LMO7: variants seen among roughly 807,000 people sequenced by gnomAD.
LMO7 encodes LIM domain only protein 7.
LMO7 carries 120 observed loss-of-function variants against 206.5 expected under a neutral mutation model. The observed-to-expected ratio is 0.58, with a 90% CI of 0.50 to 0.68. The LOEUF (loss-of-function observed/expected upper bound fraction) is 0.68. Ranked by LOEUF, LMO7 falls within the 30% of genes least tolerant of loss-of-function variation. The probability of loss-of-function intolerance (pLI) is 0.00; values close to 1 mark genes in which losing one functional copy is unlikely to be tolerated. For synonymous variants in LMO7, 706 were observed against 681.5 expected (o/e 1.04, Z -0.56); for missense variants, 1,959 against 1,957.9 (o/e 1.00, Z -0.01).
intron 4 of LMO7, among the ~76,000 whole-genome samples, chr13:75,788,348 G>A (rs1184182222): frequency 6.6e-6 from 1 of 151,660 alleles, no homozygotes; most frequent in Non-Finnish European, 1.5e-5. Context: ...CAGCTACTTG[G>A]GAGGCTGAGG....
intron 3 of LMO7, among the ~76,000 whole-genome samples, chr13:75,749,152 A>T (rs946266146): frequency 2.6e-5 from 4 of 151,988 alleles, no homozygotes; most frequent in African/African-American, 4.8e-5. Flanking sequence ...GATGATCCAG[A>T]CTCATTATCT....
intron 4 of LMO7, among the ~76,000 whole-genome samples, chr13:75,792,710 G>T (rs1207076004): frequency 1.3e-5 from 2 of 152,216 alleles, no homozygotes; most frequent in Non-Finnish European, 2.9e-5. Context: ...GCATTTGTAT[G>T]TGAGAGAGTG....
At position 75,802,901 on chromosome 13, in the gene LMO7, C is replaced by T. The variant is rs1376890867; in HGVS notation, c.662-1388C>T. On this transcript the variant is annotated intron_variant, in intron 7 of 30. Transcript: ENST00000377534. ...TGCAATGTCACATTCTCTAGTTTTA[C>T]GTGAAAACTCATATCAAGAATGATA... is the stretch of plus-strand genomic sequence containing the variant. 3.9e-5 allele frequency among the ~76,000 whole-genome samples: 6 copies of T among 152,074 alleles called. No individual in the cohort carries two copies. In the East Asian group the frequency reaches 5.8e-4, roughly 15 times the overall value.
At chr13:75,630,853 G>A (rs905495562) in intron 2 of LMO7, among the ~76,000 whole-genome samples, 4 of 151,518 alleles carry the variant, frequency 2.6e-5, no homozygotes, top group East Asian at 1.9e-4. Flanking sequence ...ATGGAGTTTC[G>A]CCATGTTGGC....
intron 14 of LMO7, 42 bp from the exon 15 acceptor site, chr13:75,823,523 G>A (rs776791638): frequency 7.0e-7 from 1 of 1,419,732 alleles, no homozygotes; most frequent in Admixed American, 2.0e-5. Flanking sequence ...CAGAAATAAA[G>A]GTAACAGAAT....
intron 1 of LMO7, among the ~76,000 whole-genome samples, chr13:75,676,708 A>G: frequency 6.6e-6 from 1 of 152,234 alleles, no homozygotes; most frequent in East Asian, 1.9e-4. Context: ...AAGGCATTGC[A>G]TTATTAACAA....
chr13:75,721,801 T>G (rs994384861), intron 2 of LMO7, among the ~76,000 whole-genome samples: 1 of 152,272 alleles, frequency 6.6e-6, no homozygotes, highest in Non-Finnish European at 1.5e-5. Context: ...ATCTTTTTCA[T>G]ATAATGACTT....
At chr13:75,829,993 A>C (rs1218775565) in intron 15 of LMO7, among the ~76,000 whole-genome samples, 1 of 152,122 alleles carries the variant, frequency 6.6e-6, no homozygotes, top group African/African-American at 2.4e-5. Flanking sequence ...CCACTTGGAT[A>C]GTTCATTATC....
chr13:75,855,731 A>G (rs2060879169), intron 29 of LMO7, among the ~76,000 whole-genome samples: 1 of 152,216 alleles, frequency 6.6e-6, no homozygotes, highest in Non-Finnish European at 1.5e-5. Context: ...CAGTGTCTGA[A>G]AGCCTAGCTT....
Position 75,807,902 on chromosome 13 carries a change from C to T in LMO7, c.1619C>T (p.Pro540Leu), listed in dbSNP as rs781273729. Residue 540 changes from proline (P) to leucine (L), a missense_variant, in exon 10 of 31, where the codon CCA (proline) becomes CTA (leucine). Pro to Leu is a moderately conservative substitution (Grantham distance 98). Transcript: ENST00000377534. ...PLSGAPDRYH[P>L]VPFPEPWTLP... ...TCTGGGGCCCCAGATAGATACCACC[C>T]AGTCCCTTTTCCCGAACCCTGGACT... is the stretch of plus-strand genomic sequence containing the variant. The T allele has an allele frequency of 2.5e-6, 4 of 1,613,850 alleles. No individual in the cohort carries two copies. The highest frequency in any genetic ancestry group is 3.4e-6 in the Non-Finnish European group (4 of 1,179,880).
intron 1 of LMO7, among the ~76,000 whole-genome samples, chr13:75,672,249 T>C (rs1299068532): frequency 2.0e-5 from 3 of 151,512 alleles, no homozygotes; most frequent in Non-Finnish European, 4.4e-5. Context: ...GATTTTTTTT[T>C]TTTTTTTTTG....
intron 29 of LMO7, among the ~76,000 whole-genome samples, chr13:75,855,733 G>T (rs972133783): frequency 6.6e-6 from 1 of 152,208 alleles, no homozygotes; most frequent in Admixed American, 6.5e-5. Flanking sequence ...GTGTCTGAAA[G>T]CCTAGCTTTG....
At chr13:75,743,933 T>C (rs2139247246) in intron 3 of LMO7, among the ~76,000 whole-genome samples, 1 of 152,322 alleles carries the variant, frequency 6.6e-6, no homozygotes, top group South Asian at 2.1e-4. Context: ...GTAATGTCTA[T>C]TTTACTGGAA....
chr13:75,775,337 G>T (rs1319913333), intron 4 of LMO7, among the ~76,000 whole-genome samples: 1 of 151,850 alleles, frequency 6.6e-6, no homozygotes, highest in Non-Finnish European at 1.5e-5. Flanking sequence ...TAAATGTAAG[G>T]CCTGAAACTA....
At position 75,821,319 on chromosome 13, in the gene LMO7, G is replaced by C. The variant is rs781216120; in HGVS notation, c.2350G>C (p.Ala784Pro). ...GAGTGAGAGAGTAGAAGAGAAGGGA[G>C]CAACTTATCCTTCAGAAATTCCCAA... Reference protein sequence around the residue: ...YQSERVEEKGATYPSEIPKED... With the variant: ...YQSERVEEKGPTYPSEIPKED... Residue 784 changes from alanine (A) to proline (P), a missense_variant, in exon 14 of 31, where the codon GCA (alanine) becomes CCA (proline). Physicochemically the swap from Ala to Pro is conservative, Grantham distance 27. Coordinates refer to ENST00000377534, the MANE Select transcript of LMO7 (RefSeq NM_001306080.2). 1.9e-6 allele frequency: 3 copies of C among 1,614,008 alleles called. No homozygotes were observed. The highest frequency in any genetic ancestry group is 4.5e-5 in the East Asian group (2 of 44,876).
intron 1 of LMO7, among the ~76,000 whole-genome samples, chr13:75,697,488 C>G (rs1053682134): frequency 6.6e-6 from 1 of 152,154 alleles, no homozygotes; most frequent in African/African-American, 2.4e-5. Context: ...TATTCACTAT[C>G]ACAAGAACAG....
intron 1 of LMO7, among the ~76,000 whole-genome samples, chr13:75,689,745 A>G (rs958847448): frequency 6.6e-5 from 10 of 152,092 alleles, no homozygotes; most frequent in Non-Finnish European, 1.0e-4. Flanking sequence ...GGACTCTTGG[A>G]CCTACACCAG....
upstream of LMO7, among the ~76,000 whole-genome samples, chr13:75,633,932 C>T (rs1283377282): frequency 2.2e-5 from 3 of 138,150 alleles, no homozygotes; most frequent in Admixed American, 8.3e-5. Context: ...ACTGCACCCT[C>T]TGACTCCCTG....
At chr13:75,757,265 G>C (rs1594762136) in intron 3 of LMO7, among the ~76,000 whole-genome samples, 1 of 152,152 alleles carries the variant, frequency 6.6e-6, no homozygotes, top group African/African-American at 2.4e-5. Context: ...GCCTTGGGAT[G>C]ACTGTAGTCA....
Sources: gnomAD v4.1 joint callset for allele counts (sites outside exome capture counted in the v4.1 genomes callset) on GRCh38, gnomAD v4.1.1 for gene constraint, MANE v1.5 for transcripts, NCBI Gene and HGNC (gene_info 2026-07-23, HGNC 2026-07-21) for gene names.